Variants in NAA35 observed in about 807,000 individuals in gnomAD.
The protein encoded by NAA35 is N-alpha-acetyltransferase 35, NatC auxiliary subunit, also known as MAK10 homolog, amino-acid N-acetyltransferase subunit.
A neutral mutation model predicts 101.7 loss-of-function variants in NAA35; 18 were observed. That is an observed-to-expected ratio of 0.18 (90% CI 0.12 to 0.26). The LOEUF (loss-of-function observed/expected upper bound fraction) is 0.26. Ranked by LOEUF, NAA35 falls within the 10% of genes least tolerant of loss-of-function variation. The pLI is 1.00. For synonymous variants in NAA35, 267 were observed against 273.1 expected (o/e 0.98, Z 0.22); for missense variants, 601 against 886.8 (o/e 0.68, Z 4.09).
chr9:85,976,011 TTC>T (rs1167656759), intron 8 of NAA35, among the ~76,000 whole-genome samples: 1 of 152,214 alleles, frequency 6.6e-6, no homozygotes, highest in African/African-American at 2.4e-5. Flanking sequence ...AAACTTCATA[TTC>T]TCTTTTTTTG....
At chr9:85,973,147 G>GTA (rs887178453) in intron 6 of NAA35, among the ~76,000 whole-genome samples, 1 of 152,186 alleles carries the variant, frequency 6.6e-6, no homozygotes, top group African/African-American at 2.4e-5. Context: ...AACGTGTTTG[G>GTA]TATGTTTGAA....
intron 2 of NAA35, among the ~76,000 whole-genome samples, chr9:85,946,191 G>A (rs1828755727): frequency 6.6e-6 from 1 of 151,818 alleles, no homozygotes; most frequent in South Asian, 2.1e-4. Flanking sequence ...AGGCTGAAGT[G>A]CATACAATGC....
At chr9:85,968,354 G>A (rs1239860215) in intron 6 of NAA35, among the ~76,000 whole-genome samples, 3 of 152,132 alleles carry the variant, frequency 2.0e-5, no homozygotes, top group Admixed American at 6.5e-5. Context: ...GGGACTACAG[G>A]CACCCACCAC....
At chr9:85,992,983 A>G (rs1422000979) in intron 11 of NAA35, among the ~76,000 whole-genome samples, 1 of 152,360 alleles carries the variant, frequency 6.6e-6, no homozygotes, top group East Asian at 1.9e-4. Flanking sequence ...AAATAGATCA[A>G]TAATATGTTG....
At position 86,012,646 on chromosome 9, in the gene NAA35, A is replaced by T. The variant is rs117622331; in HGVS notation, c.1291-400A>T. Among the ~76,000 whole-genome samples the T allele has an allele frequency of 1.2e-4, 19 of 152,344 alleles. No homozygotes were observed. The East Asian group carries it at 3.1e-3, about 25-fold the overall frequency. On this transcript the variant is annotated intron_variant, in intron 15 of 22. Coordinates refer to ENST00000361671, the MANE Select transcript of NAA35 (RefSeq NM_024635.4). ...AAGCAGGAATAAAGAACCATAGTCA[A>T]GCTTTATGGCTATTAGCTCTTTTTA... is the stretch of plus-strand genomic sequence containing the variant.
intron 6 of NAA35, among the ~76,000 whole-genome samples, chr9:85,963,496 T>C (rs1354963057): frequency 6.6e-6 from 1 of 152,012 alleles, no homozygotes; most frequent in Non-Finnish European, 1.5e-5. Flanking sequence ...CTCGAACTCC[T>C]GAGCTCAGGT....
At chr9:85,971,941 G>A (rs1261591589) in intron 6 of NAA35, among the ~76,000 whole-genome samples, 1 of 151,258 alleles carries the variant, frequency 6.6e-6, no homozygotes, top group South Asian at 2.1e-4. Flanking sequence ...TCCAATGTCT[G>A]ATCTCCCTAG....
Position 86,023,242 on chromosome 9 carries a change from A to T in NAA35, c.*1282A>T, listed in dbSNP as rs550797213. On this transcript the variant is annotated 3_prime_UTR_variant, in exon 23 of 23. Transcript: ENST00000361671. ...TGAAATTTCAGAACCGAAAAATCTT[A>T]AAAAAAATTATTTTTTAAGTAGCCT... 8.5e-5 allele frequency among the ~76,000 whole-genome samples: 13 copies of T among 152,140 alleles called. No homozygotes were observed. The highest frequency in any genetic ancestry group is 3.3e-4 in the Admixed American group (5 of 15,278).
intron 2 of NAA35, among the ~76,000 whole-genome samples, chr9:85,948,810 T>G (rs551765824): frequency 1.3e-5 from 2 of 152,216 alleles, no homozygotes; most frequent in South Asian, 4.1e-4. Flanking sequence ...CAGGCTGGAG[T>G]GCAATGGCAT....
intron 13 of NAA35, among the ~76,000 whole-genome samples, chr9:86,004,598 A>T (rs1362920679): frequency 6.6e-6 from 1 of 152,212 alleles, no homozygotes; most frequent in African/African-American, 2.4e-5. Context: ...ATAGAACAGA[A>T]AAACAATGGA....
At chr9:85,955,663 G>A (rs1370501448) in intron 2 of NAA35, among the ~76,000 whole-genome samples, 1 of 151,970 alleles carries the variant, frequency 6.6e-6, no homozygotes, top group African/African-American at 2.4e-5. Flanking sequence ...TGGCCCGGCT[G>A]CCATCAATAT....
At chr9:85,955,352 ATATATATATTT>A (rs1247465023) in intron 2 of NAA35, among the ~76,000 whole-genome samples, 1 of 61,292 alleles carries the variant, frequency 1.6e-5, no homozygotes, top group Non-Finnish European at 2.9e-5. Context: ...ATATATATAT[ATATATATATTT>A]TTTTTTTTTT....
chr9:85,947,880 T>C (rs1197775172), intron 2 of NAA35, among the ~76,000 whole-genome samples: 1 of 152,188 alleles, frequency 6.6e-6, no homozygotes, highest in Non-Finnish European at 1.5e-5. Flanking sequence ...AGAACTAGCA[T>C]TGACATAGAG....
chr9:86,002,548 C>A (rs1333526253), intron 12 of NAA35, among the ~76,000 whole-genome samples: 1 of 151,958 alleles, frequency 6.6e-6, no homozygotes, highest in Non-Finnish European at 1.5e-5. Flanking sequence ...AGGTTTTTTT[C>A]ATTCCTTTTT....
Position 85,977,392 on chromosome 9 carries a change from A to G in NAA35, c.708A>G (p.Arg236=). The G allele has an allele frequency of 6.2e-7, 1 of 1,612,544 alleles. No individual in the cohort carries two copies. The highest frequency in any genetic ancestry group is 1.7e-4 in the Middle Eastern group (1 of 6,024). The change falls in exon 10 of 23, where the codon AGA becomes AGG. Residue 236 remains arginine (R), a synonymous_variant. Coordinates refer to ENST00000361671, the MANE Select transcript of NAA35 (RefSeq NM_024635.4). ...EHQQCLAVFS[R]VKFTRVLLTV... is the part of the protein sequence containing the mutation. Reference sequence around the variant, plus strand: ...AACAATGTTTAGCAGTATTCAGCAGAGTGAAATTTACTCGTGTGTTACTGA... The same window carrying G: ...AACAATGTTTAGCAGTATTCAGCAGGGTGAAATTTACTCGTGTGTTACTGA...
At position 86,022,584 on chromosome 9, in the gene NAA35, A is replaced by G. The variant is rs953697683; in HGVS notation, c.*624A>G. On this transcript the variant is annotated 3_prime_UTR_variant, in exon 23 of 23. Transcript: ENST00000361671. ...AAAAAAAATCCTTTTAGCACTTTTA[A>G]AAGATTATACATTGTTTGCTGGTGA... Among the ~76,000 whole-genome samples the G allele has an allele frequency of 2.0e-5, 3 of 152,214 alleles. No individual in the cohort carries two copies. The highest frequency in any genetic ancestry group is 4.4e-5 in the Non-Finnish European group (3 of 68,032).
intron 2 of NAA35, among the ~76,000 whole-genome samples, chr9:85,948,289 A>G (rs557756860): frequency 1.3e-5 from 2 of 152,294 alleles, no homozygotes; most frequent in South Asian, 2.1e-4. Context: ...TTACCCAAAA[A>G]TTGGTGTACT....
chr9:86,002,168 A>C (rs1831442075), intron 12 of NAA35, among the ~76,000 whole-genome samples: 1 of 152,024 alleles, frequency 6.6e-6, no homozygotes, highest in Admixed American at 6.6e-5. Flanking sequence ...GAAGATTTTT[A>C]AAAGAATGTT....
Position 85,989,078 on chromosome 9 carries a change from T to C in NAA35, c.878-7321T>C, listed in dbSNP as rs189594214. The stretch of plus-strand genomic sequence containing the variant: ...TTATTAATAGTAAAATAGAGCCTAG[T>C]AAATTAAGATCTAAAGCAACTATTA... On this transcript the variant is annotated intron_variant, in intron 11 of 22. Transcript: ENST00000361671. Among the ~76,000 whole-genome samples, 13 of 152,318 alleles carry C rather than the reference T, an allele frequency of 8.5e-5. No homozygotes were observed. In the East Asian group the frequency reaches 2.3e-3, roughly 27 times the overall value.
Sources: allele counts gnomAD v4.1 joint callset (sites outside exome capture counted in the v4.1 genomes callset), GRCh38; gene constraint gnomAD v4.1.1; transcripts MANE v1.5; gene names NCBI Gene and HGNC (gene_info 2026-07-23, HGNC 2026-07-21).